ITPRID1: variants seen among roughly 807,000 people sequenced by gnomAD.
ITPRID1 encodes the protein protein ITPRID1.
A neutral mutation model predicts 95.4 loss-of-function variants in ITPRID1; 96 were observed. That is an observed-to-expected ratio of 1.01 (90% CI 0.85 to 1.19). ITPRID1 has a LOEUF of 1.19. ITPRID1 is among the 50% of genes most tolerant of loss of function. The pLI is 0.00. For missense variants in ITPRID1, 1,339 were observed against 1,252.9 expected (o/e 1.07, Z -1.04); for synonymous variants, 510 against 453.6 (o/e 1.12, Z -1.58).
At position 31,655,940 on chromosome 7, in the gene ITPRID1, C is replaced by A. The variant is rs1457800750; in HGVS notation, c.*3111C>A. On this transcript the variant is annotated 3_prime_UTR_variant, in exon 15 of 15. Transcript: ENST00000615280. ...TCTGCTTTACCAGTCTCATTTCCTG[C>A]TCATCCCTCAGATGAATCTCCAATT... 3.0e-6 allele frequency: 3 copies of A among 985,244 alleles called. No individual in the cohort carries two copies. The highest frequency in any genetic ancestry group is 3.6e-6 in the Non-Finnish European group (3 of 829,882). 61.0% of individuals were successfully genotyped at this position (985,244 alleles called of 1,614,324 possible).
chr7:31,656,558 A>T, downstream of ITPRID1: 1 of 811,716 alleles, frequency 1.2e-6, no homozygotes, highest in Non-Finnish European at 1.5e-6. Flanking sequence ...TTATGCACAC[A>T]GAATATTACC....
chr7:31,631,172 T>C (rs1190900399), intron 10 of ITPRID1, among the ~76,000 whole-genome samples: 1 of 152,144 alleles, frequency 6.6e-6, no homozygotes, highest in Admixed American at 6.6e-5. Flanking sequence ...CCTTCCAAAC[T>C]GCGGAAGAGC....
At chr7:31,651,761 A>C (rs1390378659) in intron 13 of ITPRID1, among the ~76,000 whole-genome samples, 178 bp from the exon 14 acceptor site, 1 of 137,854 alleles carries the variant, frequency 7.3e-6, no homozygotes, top group Non-Finnish European at 1.6e-5. Context: ...ATACTGCAAT[A>C]AAGTTGTTTT....
chr7:31,550,914 A>G (rs1193399971), intron 2 of ITPRID1, among the ~76,000 whole-genome samples: 1 of 143,162 alleles, frequency 7.0e-6, no homozygotes, highest in Non-Finnish European at 1.6e-5. Context: ...TACATTTGAA[A>G]AAGCAGTCAC....
At chr7:31,559,341 C>T (rs1784552551) in intron 5 of ITPRID1, among the ~76,000 whole-genome samples, 1 of 152,056 alleles carries the variant, frequency 6.6e-6, no homozygotes, top group African/African-American at 2.4e-5. Context: ...TGGTGCTCTA[C>T]TTATTGCAGA....
At chr7:31,624,232 A>G (rs561884210) in intron 10 of ITPRID1, among the ~76,000 whole-genome samples, 1 of 146,410 alleles carries the variant, frequency 6.8e-6, no homozygotes, top group Non-Finnish European at 1.5e-5. Flanking sequence ...ATCCCCATCA[A>G]GCTACCAATG....
chr7:31,644,796 TAG>T lies in ITPRID1; in HGVS notation c.2583+848_2583+849del, dbSNP rs201858012. On this transcript the variant is annotated intron_variant, in intron 12 of 14. Coordinates refer to ENST00000615280, the MANE Select transcript of ITPRID1 (RefSeq NM_001257967.3). ...ACTATTGCACATAAAACCACTTGTA[TAG>T]AGAGTTGAAAAGGTGAAGGGGCTGG... 1.8e-3 allele frequency among the ~76,000 whole-genome samples: 268 copies of T among 152,312 alleles called. 1 individual carries two copies. The highest frequency in any genetic ancestry group is 6.1e-3 in the African/African-American group (252 of 41,552).
chr7:31,571,137 G>T (rs981851575), intron 6 of ITPRID1, among the ~76,000 whole-genome samples: 32 of 151,796 alleles, frequency 2.1e-4, no homozygotes, highest in African/African-American at 6.0e-4. Flanking sequence ...CAAGCAATTC[G>T]CTGCCTCAGC....
rs57709822 is a variant in ITPRID1 at position 31,520,515 on chromosome 7, TTGTGTGTGTGTG to T, written c.-98+6434_-98+6445del. On this transcript the variant is annotated intron_variant, in intron 1 of 14. Transcript: ENST00000615280. ...TGTGTCTCTTTGACATACCACATCA[TTGTGTGTGTGTG>T]TGTGTGTGTGTGTGTGTGTGTGTGT... Among the ~76,000 whole-genome samples the T allele has an allele frequency of 3.2e-3, 437 of 135,654 alleles. 5 individuals are homozygous for T. Among genetic ancestry groups the T allele is most frequent in the African/African-American group, 7.4e-3 (259 of 35,152 alleles). 89.0% of individuals were successfully genotyped at this position (135,654 alleles called of 152,430 possible).
intron 10 of ITPRID1, among the ~76,000 whole-genome samples, chr7:31,637,931 A>C (rs1583688220): frequency 6.6e-6 from 1 of 152,256 alleles, no homozygotes; most frequent in East Asian, 1.9e-4. Flanking sequence ...TAAGGAAGGG[A>C]TCCAGTTTCA....
chr7:31,622,257 A>G (rs1053478275), intron 10 of ITPRID1, among the ~76,000 whole-genome samples: 2 of 149,578 alleles, frequency 1.3e-5, no homozygotes, highest in African/African-American at 2.5e-5. Flanking sequence ...AAGCGGACCT[A>G]ATAGGCATCT....
chr7:31,574,510 GGATAAA>G, intron 7 of ITPRID1, 24 bp from the exon 8 acceptor site: 2 of 1,598,154 alleles, frequency 1.3e-6, no homozygotes, highest in Non-Finnish European at 1.7e-6. Flanking sequence ...AACTGTTTCT[GGATAAA>G]GATATTCATA....
chr7:31,521,620 C>CTCCCTCCT (rs1783254688), intron 1 of ITPRID1, among the ~76,000 whole-genome samples: 1 of 69,728 alleles, frequency 1.4e-5, no homozygotes, highest in Admixed American at 1.3e-4. Context: ...TCTCCTTTCC[C>CTCCCTCCT]TCCTTCCTTC....
At chr7:31,564,857 G>A (rs563797441) in intron 5 of ITPRID1, among the ~76,000 whole-genome samples, 40 of 152,168 alleles carry the variant, frequency 2.6e-4, no homozygotes, top group Non-Finnish European at 4.7e-4. Context: ...GGGGCTGCTG[G>A]CTCTTCCAAG....
chr7:31,538,969 A>G (rs910702237), intron 1 of ITPRID1, among the ~76,000 whole-genome samples: 2 of 152,160 alleles, frequency 1.3e-5, no homozygotes, highest in Non-Finnish European at 2.9e-5. Context: ...TAAGTTGATA[A>G]TTCTGTAACT....
intron 1 of ITPRID1, among the ~76,000 whole-genome samples, chr7:31,521,006 T>C (rs1176094321): frequency 6.6e-6 from 1 of 151,888 alleles, no homozygotes; most frequent in Non-Finnish European, 1.5e-5. Flanking sequence ...AATTTGTCCA[T>C]TTTATTGTTC....
intron 1 of ITPRID1, among the ~76,000 whole-genome samples, chr7:31,538,854 C>T (rs1783842558): frequency 6.6e-6 from 1 of 152,170 alleles, no homozygotes; most frequent in East Asian, 1.9e-4. Context: ...CTTGAAGAAA[C>T]ATTTTGAGGC....
At chr7:31,591,057 GGC>G (rs1785844259) in intron 10 of ITPRID1, among the ~76,000 whole-genome samples, 1 of 152,188 alleles carries the variant, frequency 6.6e-6, no homozygotes, top group South Asian at 2.1e-4. Context: ...GGAGATGCAT[GGC>G]TCATGCATGA....
At chr7:31,532,187 T>C (rs1783620660) in intron 1 of ITPRID1, among the ~76,000 whole-genome samples, 1 of 152,226 alleles carries the variant, frequency 6.6e-6, no homozygotes, top group Non-Finnish European at 1.5e-5. Context: ...ATCATAAACA[T>C]TTTCTAATGA....
Sources: gnomAD v4.1 joint callset for allele counts (sites outside exome capture counted in the v4.1 genomes callset) on GRCh38, gnomAD v4.1.1 for gene constraint, MANE v1.5 for transcripts, NCBI Gene and HGNC (gene_info 2026-07-23, HGNC 2026-07-21) for gene names.